CAB39L: variants seen among roughly 807,000 people sequenced by gnomAD.
CAB39L encodes the protein calcium-binding protein 39-like.
CAB39L carries 23 observed loss-of-function variants against 39.1 expected under a neutral mutation model. That is an observed-to-expected ratio of 0.59 (90% confidence interval 0.42 to 0.83). CAB39L has a LOEUF of 0.83. Among genes scored for constraint, CAB39L ranks in the 40% least tolerant of loss-of-function variants. CAB39L has a pLI of 0.00. For missense variants in CAB39L, 366 were observed against 391.9 expected, an observed-to-expected ratio of 0.93 and a Z score of 0.56; for synonymous variants, 126 against 137.2, an observed-to-expected ratio of 0.92 and a Z score of 0.57.
intron 10 of CAB39L, 63 bp downstream of exon 10, chr13:49,331,884 T>C: frequency 6.7e-7 from 1 of 1,487,758 alleles, no homozygotes. Flanking sequence ...AGCAGGGAGT[T>C]TGCCATTTGG....
intron 10 of CAB39L, among the ~76,000 whole-genome samples, chr13:49,314,486 C>A (rs1954097247): frequency 2.0e-5 from 3 of 152,168 alleles, no homozygotes. Flanking sequence ...CAACTGTACA[C>A]ACGACCGTGG....
chr13:49,421,628 C>T (rs1957172719), intron 3 of CAB39L, among the ~76,000 whole-genome samples: 1 of 152,150 alleles, frequency 6.6e-6, no homozygotes, highest in South Asian at 2.1e-4. Flanking sequence ...GGCCTCCCCT[C>T]CACATGGTGT....
intron 7 of CAB39L, among the ~76,000 whole-genome samples, chr13:49,344,743 C>T (rs975438559): frequency 5.9e-5 from 9 of 152,022 alleles, no homozygotes; most frequent in African/African-American, 1.2e-4. Flanking sequence ...AGGATGGTCT[C>T]GATCTCCTGA....
At chr13:49,313,393 A>C (rs189911906) in intron 10 of CAB39L, among the ~76,000 whole-genome samples, 582 of 152,012 alleles carry the variant, frequency 3.8e-3, no homozygotes, top group Non-Finnish European at 5.3e-3. Flanking sequence ...TGGCAGGAGA[A>C]TGGCGTGAAC....
intron 5 of CAB39L, 76 bp downstream of exon 5, chr13:49,376,891 G>A (rs1410519997): frequency 2.5e-6 from 2 of 786,904 alleles, no homozygotes; most frequent in Non-Finnish European, 3.9e-6. Context: ...AAGTTGAATA[G>A]TAGATAGATA....
intron 3 of CAB39L, among the ~76,000 whole-genome samples, chr13:49,423,138 T>A (rs1189545352): frequency 6.6e-6 from 1 of 152,188 alleles, no homozygotes; most frequent in Non-Finnish European, 1.5e-5. Context: ...TCATTGATGC[T>A]CTATCATTAG....
chr13:49,431,513 C>G (rs1013910272), intron 3 of CAB39L, among the ~76,000 whole-genome samples: 5 of 152,076 alleles, frequency 3.3e-5, no homozygotes, highest in African/African-American at 1.2e-4. Context: ...TCCAGACCAG[C>G]CTGGCCACCA....
intron 3 of CAB39L, among the ~76,000 whole-genome samples, chr13:49,398,333 T>A (rs1176055510): frequency 6.6e-6 from 1 of 152,124 alleles, no homozygotes; most frequent in Non-Finnish European, 1.5e-5. Flanking sequence ...TTAATAGACA[T>A]GCTAATATAG....
At chr13:49,409,144 C>A (rs943907897) in intron 3 of CAB39L, among the ~76,000 whole-genome samples, 3 of 152,114 alleles carry the variant, frequency 2.0e-5, no homozygotes, top group African/African-American at 7.2e-5. Flanking sequence ...CAGGGACCAT[C>A]AGAGCATACA....
At chr13:49,339,042 A>G (rs1954926889) in intron 9 of CAB39L, among the ~76,000 whole-genome samples, 1 of 152,060 alleles carries the variant, frequency 6.6e-6, no homozygotes, top group Non-Finnish European at 1.5e-5. Context: ...GCTATTTTAT[A>G]CTCAAAAATA....
chr13:49,424,527 C>T (rs940695808), intron 3 of CAB39L, among the ~76,000 whole-genome samples: 4 of 152,008 alleles, frequency 2.6e-5, no homozygotes, highest in African/African-American at 9.7e-5. Flanking sequence ...AGGTAAAAAC[C>T]AAGACAATTT....
At chr13:49,418,201 T>C (rs933896192) in intron 3 of CAB39L, among the ~76,000 whole-genome samples, 9 of 152,186 alleles carry the variant, frequency 5.9e-5, no homozygotes, top group Non-Finnish European at 1.2e-4. Flanking sequence ...AATGGAACAT[T>C]ATTTGGCAAA....
rs574224399 is a variant in CAB39L at position 49,357,814 on chromosome 13, A to C, written c.395+1900T>G. Among the ~76,000 whole-genome samples, 14 of 152,264 alleles carry C rather than the reference A, an allele frequency of 9.2e-5. No individual in the cohort carries two copies. In the South Asian group the frequency reaches 2.3e-3, roughly 25 times the overall value. ...GTCCCTGGATGACTCCATGTTGCCTACAGAATGACATTCAAACTCCCTAGT... is the reference window on the plus strand; with the variant it reads ...GTCCCTGGATGACTCCATGTTGCCTCCAGAATGACATTCAAACTCCCTAGT... On this transcript the variant is annotated intron_variant, in intron 6 of 10. Transcript: ENST00000409308.
intron 7 of CAB39L, among the ~76,000 whole-genome samples, chr13:49,346,125 C>A (rs1023742436): frequency 3.7e-3 from 37 of 10,094 alleles, no homozygotes; most frequent in East Asian, 0.014. Context: ...ATATATATAT[C>A]ATGGATACAG....
chr13:49,323,488 GGAAGGTCT>G (rs1954412559), intron 10 of CAB39L, among the ~76,000 whole-genome samples: 1 of 152,130 alleles, frequency 6.6e-6, no homozygotes, highest in Non-Finnish European at 1.5e-5. Context: ...CAGCTCCATC[GGAAGGTCT>G]GGCGAATGTG....
intron 3 of CAB39L, among the ~76,000 whole-genome samples, chr13:49,419,215 G>A (rs1408364392): frequency 6.6e-6 from 1 of 152,220 alleles, no homozygotes; most frequent in East Asian, 1.9e-4. Flanking sequence ...TGATCCACCC[G>A]CCTCGGCCTC....
At chr13:49,314,991 A>T (rs926287773) in intron 10 of CAB39L, among the ~76,000 whole-genome samples, 1 of 152,234 alleles carries the variant, frequency 6.6e-6, no homozygotes, top group African/African-American at 2.4e-5. Context: ...AGCTGAGATT[A>T]ATCCCAGGAT....
At position 49,308,788 on chromosome 13, in the gene CAB39L, G is replaced by T. The variant is rs1315105624; in HGVS notation, c.*2026C>A. ...ACAAATCCCCCTTTGTGCAAAGGGG[G>T]AGCTTCCTGCTCCCCCTTTCACATT... On this transcript the variant is annotated 3_prime_UTR_variant, in exon 11 of 11. Transcript: ENST00000409308. 2.0e-5 allele frequency: 3 copies of T among 152,512 alleles called. No individual in the cohort carries two copies. The East Asian group carries it at 5.8e-4, about 29-fold the overall frequency. 9.4% of individuals were successfully genotyped at this position (152,512 alleles called of 1,614,324 possible). A position where few individuals can be genotyped will look rare whatever the true frequency, so the allele number is the denominator to read the frequency against.
At chr13:49,332,470 T>C (rs1428184254) in intron 9 of CAB39L, among the ~76,000 whole-genome samples, 3 of 152,200 alleles carry the variant, frequency 2.0e-5, no homozygotes, top group Non-Finnish European at 2.9e-5. Context: ...ATACCTTCTT[T>C]ACCTGCATAA....
Sources: gnomAD v4.1 joint callset for allele counts (sites outside exome capture counted in the v4.1 genomes callset) on GRCh38, gnomAD v4.1.1 for gene constraint, MANE v1.5 for transcripts, NCBI Gene and HGNC (gene_info 2026-07-23, HGNC 2026-07-21) for gene names.